SPAG16: variants seen among roughly 807,000 people sequenced by gnomAD.
SPAG16 encodes sperm-associated antigen 16 protein.
Under a neutral mutation model 80.4 loss-of-function variants are expected in SPAG16, and 86 were observed. The ratio of observed to expected loss-of-function variants is 1.07; its 90% CI spans 0.90 to 1.28. The LOEUF (loss-of-function observed/expected upper bound fraction) is 1.28, where lower values mean the gene tolerates loss of function less well. Among genes scored for constraint, SPAG16 ranks in the 50% most tolerant of loss-of-function variants. The pLI is 0.00. For synonymous variants in SPAG16, 294 were observed against 265.9 expected, an observed-to-expected ratio of 1.11 and a Z score of -1.03; for missense variants, 870 against 765.3, an observed-to-expected ratio of 1.14 and a Z score of -1.61.
rs748705369 is a variant in SPAG16 at position 214,328,059 on chromosome 2, A to G, written c.1721-82081A>G. ...TCCAGTTTATAAATAAAAAATAAAG[A>G]GATGCTTTTTGTCTAGGTTAAACTT... is the stretch of plus-strand genomic sequence containing the variant. On this transcript the variant is annotated intron_variant, in intron 15 of 15. Coordinates refer to ENST00000331683, the MANE Select transcript of SPAG16 (RefSeq NM_024532.5). Among the ~76,000 whole-genome samples the G allele has an allele frequency of 5.9e-5, 9 of 152,274 alleles. No individual in the cohort carries two copies. The South Asian group carries it at 1.5e-3, about 25-fold the overall frequency.
At chr2:213,862,823 A>C (rs1288737465) in intron 11 of SPAG16, among the ~76,000 whole-genome samples, 195 bp downstream of exon 11, 1 of 152,194 alleles carries the variant, frequency 6.6e-6, no homozygotes, top group African/African-American at 2.4e-5. Context: ...GATATTTGGT[A>C]CATGTAAAAC....
At chr2:213,502,734 T>C (rs930939064) in intron 10 of SPAG16, among the ~76,000 whole-genome samples, 9 of 152,240 alleles carry the variant, frequency 5.9e-5, no homozygotes, top group Non-Finnish European at 1.3e-4. Flanking sequence ...AATATGGTAC[T>C]ATTATTCATC....
intron 12 of SPAG16, among the ~76,000 whole-genome samples, chr2:213,951,053 T>C (rs567216111): frequency 6.6e-6 from 1 of 151,392 alleles, no homozygotes; most frequent in African/African-American, 2.4e-5. Context: ...TTAGCATAAA[T>C]TGATTAATAT....
chr2:213,363,691 G>A (rs1394910041), intron 7 of SPAG16, among the ~76,000 whole-genome samples: 2 of 151,992 alleles, frequency 1.3e-5, no homozygotes, highest in Admixed American at 6.6e-5. Context: ...CATTCCAAGT[G>A]ATAATTACCT....
intron 4 of SPAG16, among the ~76,000 whole-genome samples, chr2:213,314,731 A>G (rs2126128464): frequency 6.6e-6 from 1 of 151,910 alleles, no homozygotes; most frequent in East Asian, 1.9e-4. Flanking sequence ...CTCATAGAAA[A>G]TTTCTCTAGT....
At chr2:213,485,888 C>A (rs1040070652) in intron 9 of SPAG16, among the ~76,000 whole-genome samples, 1 of 151,938 alleles carries the variant, frequency 6.6e-6, no homozygotes, top group Non-Finnish European at 1.5e-5. Flanking sequence ...CTTGGCTTCC[C>A]GTGGGATGCC....
intron 13 of SPAG16, among the ~76,000 whole-genome samples, chr2:214,098,897 G>C (rs11688821): frequency 0.19 from 28,457 of 151,294 alleles, 3,541 homozygotes; most frequent in Non-Finnish European, 0.28. Context: ...AAAGTAGCTT[G>C]TATTGGTCAA....
chr2:213,630,966 A>G (rs1243833437), intron 10 of SPAG16, among the ~76,000 whole-genome samples: 1 of 152,208 alleles, frequency 6.6e-6, no homozygotes, highest in Non-Finnish European at 1.5e-5. Context: ...GTGGCACAAT[A>G]TAAACACTGA....
chr2:213,861,226 T>A (rs182069184), intron 10 of SPAG16, among the ~76,000 whole-genome samples: 30 of 152,320 alleles, frequency 2.0e-4, no homozygotes, highest in Admixed American at 1.1e-3. Context: ...AGCCAGTAGA[T>A]TCCCAAAACT....
intron 15 of SPAG16, among the ~76,000 whole-genome samples, chr2:214,362,658 A>G (rs1354988855): frequency 2.0e-5 from 3 of 151,888 alleles, no homozygotes; most frequent in Non-Finnish European, 4.4e-5. Context: ...ATTACTATTT[A>G]ATGAGACAGC....
At chr2:213,980,951 A>G (rs966046652) in intron 12 of SPAG16, among the ~76,000 whole-genome samples, 6 of 151,860 alleles carry the variant, frequency 4.0e-5, no homozygotes. Flanking sequence ...GTAAAAATCT[A>G]TGTGGGTCTT....
intron 10 of SPAG16, among the ~76,000 whole-genome samples, chr2:213,848,661 G>C (rs1009468891): frequency 1.3e-5 from 2 of 152,078 alleles, no homozygotes; most frequent in African/African-American, 4.8e-5. Context: ...TTATCAAAGC[G>C]TTTTTATAAT....
chr2:214,376,412 A>T (rs1385356020), intron 15 of SPAG16, among the ~76,000 whole-genome samples: 2 of 152,176 alleles, frequency 1.3e-5, no homozygotes, highest in African/African-American at 4.8e-5. Context: ...GTGCAAAATC[A>T]TTTAGACCAT....
At chr2:214,272,861 C>T (rs1234931889) in intron 15 of SPAG16, among the ~76,000 whole-genome samples, 1 of 120,280 alleles carries the variant, frequency 8.3e-6, no homozygotes, top group Non-Finnish European at 2.1e-5. Context: ...CCTGAGGAAT[C>T]ACCACACTGT....
At chr2:213,771,450 T>C (rs1423207799) in intron 10 of SPAG16, among the ~76,000 whole-genome samples, 1 of 152,044 alleles carries the variant, frequency 6.6e-6, no homozygotes, top group Non-Finnish European at 1.5e-5. Context: ...GAAACTCTTT[T>C]TTTTAATTAG....
chr2:213,820,400 A>G (rs1474780083), intron 10 of SPAG16, among the ~76,000 whole-genome samples: 3 of 152,044 alleles, frequency 2.0e-5, no homozygotes, highest in African/African-American at 7.2e-5. Context: ...CGTAGCTTAC[A>G]GATTCTTCAG....
intron 15 of SPAG16, among the ~76,000 whole-genome samples, chr2:214,153,890 G>A (rs2056095670): frequency 6.6e-6 from 1 of 151,846 alleles, no homozygotes; most frequent in Admixed American, 6.6e-5. Context: ...GTTGTATGTG[G>A]CACAGCATTA....
intron 15 of SPAG16, among the ~76,000 whole-genome samples, chr2:214,374,437 C>T (rs1180235469): frequency 1.3e-5 from 2 of 152,124 alleles, no homozygotes; most frequent in African/African-American, 4.8e-5. Context: ...ATGAACCTCT[C>T]GATATTTCAT....
chr2:213,441,745 C>T (rs1210174222), intron 9 of SPAG16, among the ~76,000 whole-genome samples: 1 of 152,114 alleles, frequency 6.6e-6, no homozygotes, highest in Non-Finnish European at 1.5e-5. Context: ...AAATAATTTG[C>T]CAAAAACCTC....
Sources: gnomAD v4.1 joint callset for allele counts (sites outside exome capture counted in the v4.1 genomes callset) on GRCh38, gnomAD v4.1.1 for gene constraint, MANE v1.5 for transcripts, NCBI Gene and HGNC (gene_info 2026-07-23, HGNC 2026-07-21) for gene names.